GTF2F2: variants seen among roughly 807,000 people sequenced by gnomAD.
GTF2F2 encodes ATP-dependent helicase GTF2F2.
GTF2F2 carries 23 observed loss-of-function variants against 42.2 expected under a neutral mutation model. The ratio of observed to expected loss-of-function variants is 0.55; its 90% confidence interval spans 0.39 to 0.77. The LOEUF (loss-of-function observed/expected upper bound fraction) is 0.77, where lower values mean the gene tolerates loss of function less well. Among genes scored for constraint, GTF2F2 ranks in the 30% least tolerant of loss-of-function variants. The probability of loss-of-function intolerance (pLI) is 0.00; values close to 1 mark genes in which losing one functional copy is unlikely to be tolerated. For missense variants in GTF2F2, 261 were observed against 287.2 expected, an observed-to-expected ratio of 0.91 and a Z score of 0.66; for synonymous variants, 105 against 100.8, an observed-to-expected ratio of 1.04 and a Z score of -0.25.
chr13:45,263,859 G>T, intron 6 of GTF2F2: 1 of 188,696 alleles, frequency 5.3e-6, no homozygotes. Flanking sequence ...CAGAAATTAG[G>T]ATTCCATGAA....
intron 4 of GTF2F2, among the ~76,000 whole-genome samples, chr13:45,163,535 C>CA (rs1339695560): frequency 5.7e-5 from 8 of 140,338 alleles, no homozygotes; most frequent in East Asian, 2.1e-4. Context: ...GACTCTGTCT[C>CA]AAAAAAAAAG....
chr13:45,135,636 T>A (rs1869581186), intron 1 of GTF2F2, among the ~76,000 whole-genome samples: 1 of 152,170 alleles, frequency 6.6e-6, no homozygotes, highest in Admixed American at 6.5e-5. Context: ...ATCCTTCTAT[T>A]CCTGAATTTT....
intron 4 of GTF2F2, among the ~76,000 whole-genome samples, chr13:45,184,410 A>G (rs1872319640): frequency 7.0e-6 from 1 of 142,146 alleles, no homozygotes; most frequent in Admixed American, 6.9e-5. Flanking sequence ...TTTTTTTGAG[A>G]CAGGGTCTTG....
chr13:45,195,307 G>A (rs1185358739), intron 4 of GTF2F2, among the ~76,000 whole-genome samples: 2 of 151,440 alleles, frequency 1.3e-5, no homozygotes, highest in Non-Finnish European at 2.9e-5. Context: ...AAATCAAATA[G>A]GCTTTACAGT....
intron 4 of GTF2F2, among the ~76,000 whole-genome samples, chr13:45,188,308 A>G (rs538588397): frequency 1.3e-5 from 2 of 152,294 alleles, no homozygotes; most frequent in African/African-American, 2.4e-5. Flanking sequence ...AACCTATTAT[A>G]TCTATTTTAA....
intron 4 of GTF2F2, among the ~76,000 whole-genome samples, chr13:45,176,532 C>T (rs1852184767): frequency 2.0e-5 from 3 of 151,852 alleles, no homozygotes; most frequent in Admixed American, 6.6e-5. Flanking sequence ...TGGGTATAGC[C>T]CTTAGTTATG....
chr13:45,161,348 C>T (rs189084721), intron 4 of GTF2F2, among the ~76,000 whole-genome samples: 2 of 152,226 alleles, frequency 1.3e-5, no homozygotes, highest in Admixed American at 1.3e-4. Flanking sequence ...GATTTATAGA[C>T]CATACTTTGA....
chr13:45,194,878 T>A (rs529670354), intron 4 of GTF2F2, among the ~76,000 whole-genome samples: 2 of 152,220 alleles, frequency 1.3e-5, no homozygotes, highest in Non-Finnish European at 2.9e-5. Flanking sequence ...GAATTTCCTC[T>A]TGTCAGTTAA....
intron 1 of GTF2F2, among the ~76,000 whole-genome samples, chr13:45,128,765 T>A (rs1465353400): frequency 6.6e-6 from 1 of 151,970 alleles, no homozygotes; most frequent in East Asian, 2.0e-4. Flanking sequence ...AGATAATTTT[T>A]AAATTTTTTG....
intron 4 of GTF2F2, among the ~76,000 whole-genome samples, chr13:45,190,012 C>T (rs1593480446): frequency 6.6e-6 from 1 of 152,142 alleles, no homozygotes; most frequent in Non-Finnish European, 1.5e-5. Flanking sequence ...CAAATGGGAT[C>T]TAATTAAAGA....
intron 5 of GTF2F2, among the ~76,000 whole-genome samples, chr13:45,249,642 T>A (rs1875791391): frequency 6.6e-6 from 1 of 152,172 alleles, no homozygotes; most frequent in South Asian, 2.1e-4. Context: ...AATTGTGAAG[T>A]AATGGGAACA....
chr13:45,229,007 G>A (rs545039624), intron 5 of GTF2F2, among the ~76,000 whole-genome samples: 13 of 151,944 alleles, frequency 8.6e-5, no homozygotes, highest in Non-Finnish European at 7.4e-5. Flanking sequence ...TCAGCCTCTC[G>A]AGTAGCTGAG....
intron 4 of GTF2F2, among the ~76,000 whole-genome samples, chr13:45,201,520 A>G (rs1259025181): frequency 2.0e-5 from 3 of 152,192 alleles, no homozygotes; most frequent in Non-Finnish European, 4.4e-5. Flanking sequence ...GAGATGTAAA[A>G]TAACTTCTCC....
At chr13:45,197,400 T>C (rs1872953016) in intron 4 of GTF2F2, among the ~76,000 whole-genome samples, 1 of 151,002 alleles carries the variant, frequency 6.6e-6, no homozygotes, top group African/African-American at 2.4e-5. Flanking sequence ...TCCCAGTTAC[T>C]TGGGAGGCTG....
intron 4 of GTF2F2, among the ~76,000 whole-genome samples, chr13:45,187,309 C>T (rs1872467781): frequency 6.6e-6 from 1 of 152,076 alleles, no homozygotes; most frequent in African/African-American, 2.4e-5. Context: ...ATATCCAATT[C>T]AGTATCTTTT....
At chr13:45,272,442 A>AAAC (rs1555273497) in intron 7 of GTF2F2, among the ~76,000 whole-genome samples, 2 of 130,902 alleles carry the variant, frequency 1.5e-5, no homozygotes, top group African/African-American at 6.6e-5. Context: ...AAAAAAAAAC[A>AAAC]AAAAAAAAAA....
chr13:45,273,114 G>A (rs1876872942), intron 7 of GTF2F2, among the ~76,000 whole-genome samples: 1 of 151,464 alleles, frequency 6.6e-6, no homozygotes, highest in Non-Finnish European at 1.5e-5. Context: ...TTTTAGTAGA[G>A]ACGGGGTTTC....
Position 45,207,524 on chromosome 13 carries a change from C to T in GTF2F2, c.386+19C>T, listed in dbSNP as rs372780830. On this transcript the variant is annotated intron_variant, in intron 5 of 7. Transcript: ENST00000340473. The stretch of plus-strand genomic sequence containing the variant: ...TAAAAAGGTTGGTGTTTTGTAACTC[C>T]AGAATGATACCTGATATTTCCCTTT... The T allele has an allele frequency of 2.7e-5, 38 of 1,429,776 alleles. No homozygotes were observed. The highest frequency in any genetic ancestry group is 1.7e-4 in the Middle Eastern group (1 of 5,752). The allele number at this position is 1,429,776 out of a possible 1,614,324, so 88.6% of individuals were successfully genotyped here.
rs766375703 is a variant in GTF2F2, at chr13:45,181,200, A to AAAAAAAAC, written c.305-26221_305-26220insAAAACAAA. 3.7e-4 allele frequency among the ~76,000 whole-genome samples: 49 copies of AAAAAAAAC among 132,884 alleles called. 4 individuals are homozygous for AAAAAAAAC. Among genetic ancestry groups the AAAAAAAAC allele is most frequent in the African/African-American group, 4.8e-4 (17 of 35,196 alleles). 87.2% of individuals were successfully genotyped at this position (132,884 alleles called of 152,430 possible). On this transcript the variant is annotated intron_variant, in intron 4 of 7. Coordinates refer to ENST00000340473, the MANE Select transcript of GTF2F2 (RefSeq NM_004128.3). ...AAAAAACAAACAAACAAAAAAAAAAAAAACCAGAAAAACCAAAGGTGATAT... is the reference window on the plus strand; with the variant it reads ...AAAAAACAAACAAACAAAAAAAAAAAAAAAAAACAAACCAGAAAAACCAAAGGTGATAT...
Sources: allele counts gnomAD v4.1 joint callset (sites outside exome capture counted in the v4.1 genomes callset), GRCh38; gene constraint gnomAD v4.1.1; transcripts MANE v1.5; gene names NCBI Gene and HGNC (gene_info 2026-07-23, HGNC 2026-07-21).